CEP85L: variants seen among roughly 807,000 people sequenced by gnomAD.
CEP85L encodes the protein centrosomal protein 85L.
A neutral mutation model predicts 100.3 loss-of-function variants in CEP85L; 60 were observed. The ratio of observed to expected loss-of-function variants is 0.60; its 90% confidence interval spans 0.49 to 0.74. CEP85L has a LOEUF of 0.74. CEP85L is among the 30% of genes least tolerant of loss of function. The probability of loss-of-function intolerance (pLI) is 0.00; values close to 1 mark genes in which losing one functional copy is unlikely to be tolerated. For missense variants in CEP85L, 973 were observed against 936.2 expected, an observed-to-expected ratio of 1.04 and a Z score of -0.51; for synonymous variants, 319 against 322.7, an observed-to-expected ratio of 0.99 and a Z score of 0.12.
intron 3 of CEP85L, among the ~76,000 whole-genome samples, chr6:118,543,613 C>A (rs1778033072): frequency 6.6e-6 from 1 of 152,064 alleles, no homozygotes; most frequent in African/African-American, 2.4e-5. Flanking sequence ...AGGGCTTCTC[C>A]CCACCTACTT....
At chr6:118,496,579 T>A (rs1774942440) in intron 5 of CEP85L, among the ~76,000 whole-genome samples, 1 of 152,026 alleles carries the variant, frequency 6.6e-6, no homozygotes, top group Non-Finnish European at 1.5e-5. Flanking sequence ...GGTCTCGAAC[T>A]CCTGACCTCG....
intron 1 of CEP85L, among the ~76,000 whole-genome samples, chr6:118,637,529 C>T (rs985716634): frequency 5.8e-5 from 8 of 137,040 alleles, no homozygotes; most frequent in African/African-American, 2.2e-4. Flanking sequence ...AAAAGCCCAT[C>T]TCTACAAAAG....
intron 4 of CEP85L, among the ~76,000 whole-genome samples, chr6:118,512,720 C>A (rs1316212409): frequency 2.0e-5 from 3 of 152,012 alleles, no homozygotes; most frequent in Non-Finnish European, 2.9e-5. Context: ...GAAAAAATAA[C>A]CCTTGATAAA....
At chr6:118,467,601 A>G (rs1772626672) in intron 12 of CEP85L, among the ~76,000 whole-genome samples, 1 of 152,178 alleles carries the variant, frequency 6.6e-6, no homozygotes, top group East Asian at 1.9e-4. Flanking sequence ...GGGCGTGGTA[A>G]GATTCACATT....
chr6:118,505,787 T>A (rs1460021781), intron 5 of CEP85L, among the ~76,000 whole-genome samples: 1 of 152,194 alleles, frequency 6.6e-6, no homozygotes, highest in Non-Finnish European at 1.5e-5. Context: ...GTGAAACTAC[T>A]CTGCATGATA....
chr6:118,644,048 T>G (rs1225275841), intron 1 of CEP85L, among the ~76,000 whole-genome samples: 3 of 152,250 alleles, frequency 2.0e-5, no homozygotes, highest in Non-Finnish European at 2.9e-5. Context: ...ATTAAGCACT[T>G]ATGTATCAAT....
intron 2 of CEP85L, among the ~76,000 whole-genome samples, chr6:118,607,014 T>C (rs1415124094): frequency 6.6e-6 from 1 of 152,132 alleles, no homozygotes; most frequent in African/African-American, 2.4e-5. Context: ...TGAGCAGCCC[T>C]AGTGATCCAG....
chr6:118,555,297 G>A (rs552010392), intron 3 of CEP85L, among the ~76,000 whole-genome samples: 47 of 151,882 alleles, frequency 3.1e-4, no homozygotes, highest in African/African-American at 4.8e-4. Flanking sequence ...GCATGGTGGC[G>A]GGCACCTGTA....
In CEP85L at chr6:118,555,409, C is replaced by G. The variant is rs1218353476; in HGVS notation, c.1020+10120G>C. Reference sequence around the variant, plus strand: ...TGCCACTGCACTCCAGCCTGGGCAACACAGCAAGACTGTCTCAAAAAAAAA... The same window carrying G: ...TGCCACTGCACTCCAGCCTGGGCAAGACAGCAAGACTGTCTCAAAAAAAAA... On this transcript the variant is annotated intron_variant, in intron 3 of 12. Transcript: ENST00000368491. Among the ~76,000 whole-genome samples, 25 of 127,750 alleles carry G rather than the reference C, an allele frequency of 2.0e-4. No individual in the cohort carries two copies. The Admixed American group carries it at 2.0e-3, about 10-fold the overall frequency. 83.8% of individuals were successfully genotyped at this position (127,750 alleles called of 152,430 possible).
At chr6:118,501,990 G>A (rs1476718793) in intron 5 of CEP85L, 3 of 831,228 alleles carry the variant, frequency 3.6e-6, no homozygotes, top group South Asian at 1.5e-5. Context: ...AACTGACCAG[G>A]TGGCTTGTTA....
At chr6:118,594,978 G>A (rs1781389665) in intron 2 of CEP85L, among the ~76,000 whole-genome samples, 3 of 151,898 alleles carry the variant, frequency 2.0e-5, no homozygotes, top group Admixed American at 2.0e-4. Context: ...AGACTGTCCT[G>A]AGGAAGGTTA....
At chr6:118,600,302 T>TGG (rs1781691154) in intron 2 of CEP85L, among the ~76,000 whole-genome samples, 7 of 16,966 alleles carry the variant, frequency 4.1e-4, no homozygotes, top group Admixed American at 1.4e-3. Flanking sequence ...TTCCTGGGGG[T>TGG]GTGTGTGTGT....
rs1035287359 is a variant in CEP85L, at chr6:118,508,136, A to G, written c.1257+3162T>C. Among the ~76,000 whole-genome samples the G allele has an allele frequency of 4.6e-5, 7 of 152,298 alleles. No individual in the cohort carries two copies. The East Asian group carries it at 1.3e-3, about 29-fold the overall frequency. ...GTGTTCCCAGAATTTAACACATTAG[A>G]TGTTTAATGTTTTGTTGAGGAGGCT... On this transcript the variant is annotated intron_variant, in intron 5 of 12. Transcript: ENST00000368491.
chr6:118,486,442 T>A (rs1774192062), intron 6 of CEP85L, among the ~76,000 whole-genome samples: 2 of 151,744 alleles, frequency 1.3e-5, no homozygotes, highest in Admixed American at 1.3e-4. Context: ...CTGGCTTTTA[T>A]AAGAAAGAAC....
intron 4 of CEP85L, among the ~76,000 whole-genome samples, chr6:118,517,831 C>T (rs940869662): frequency 3.3e-5 from 5 of 152,176 alleles, no homozygotes; most frequent in African/African-American, 9.7e-5. Context: ...AAAGGGAATG[C>T]CTCCAGATTT....
intron 3 of CEP85L, among the ~76,000 whole-genome samples, chr6:118,546,977 C>G (rs1778241705): frequency 6.6e-6 from 1 of 152,004 alleles, no homozygotes; most frequent in Non-Finnish European, 1.5e-5. Context: ...ATGATTTGCT[C>G]TAGAGATGGA....
chr6:118,688,326 T>C (rs961308668), intron 1 of CEP85L, among the ~76,000 whole-genome samples: 4 of 152,188 alleles, frequency 2.6e-5, no homozygotes, highest in African/African-American at 9.7e-5. Flanking sequence ...AACTGAAAAG[T>C]CTGAAACTTA....
chr6:118,622,501 GC>G (rs1773516388), intron 2 of CEP85L, among the ~76,000 whole-genome samples: 1 of 152,170 alleles, frequency 6.6e-6, no homozygotes, highest in African/African-American at 2.4e-5. Flanking sequence ...GGTACAAAGG[GC>G]AGGCTATGCC....
intron 3 of CEP85L, among the ~76,000 whole-genome samples, chr6:118,533,921 C>T (rs1777437107): frequency 6.6e-6 from 1 of 151,874 alleles, no homozygotes; most frequent in South Asian, 2.1e-4. Flanking sequence ...ATGGTGAAAC[C>T]CCGTCTCTAC....
Sources: gnomAD v4.1 joint callset for allele counts (sites outside exome capture counted in the v4.1 genomes callset) on GRCh38, gnomAD v4.1.1 for gene constraint, MANE v1.5 for transcripts, NCBI Gene and HGNC (gene_info 2026-07-23, HGNC 2026-07-21) for gene names.